Variants in STXBP4 observed in about 807,000 individuals in gnomAD.
STXBP4 encodes syntaxin binding protein 4, also known as syntaxin-binding protein 4.
In STXBP4, 55 loss-of-function variants were observed where a neutral mutation model predicts 76.1. The ratio of observed to expected loss-of-function variants is 0.72; its 90% confidence interval spans 0.58 to 0.91. STXBP4 has a LOEUF of 0.91. Ranked by LOEUF, STXBP4 falls within the 40% of genes least tolerant of loss-of-function variation. The pLI is 0.00. For synonymous variants in STXBP4, 201 were observed against 220.2 expected (o/e 0.91, Z 0.77); for missense variants, 618 against 636.9 (o/e 0.97, Z 0.32).
intron 1 of STXBP4, among the ~76,000 whole-genome samples, chr17:54,984,485 G>A (rs1020061468): frequency 2.6e-5 from 4 of 151,698 alleles, no homozygotes; most frequent in Non-Finnish European, 5.9e-5. Context: ...TGGGACTACA[G>A]GCGCTGCCAC....
At chr17:55,137,427 G>A (rs1477478180) in intron 16 of STXBP4, among the ~76,000 whole-genome samples, 1 of 151,942 alleles carries the variant, frequency 6.6e-6, no homozygotes, top group African/African-American at 2.4e-5. Context: ...TATTTAATCA[G>A]CCCCCATTGA....
At chr17:55,079,377 A>G (rs2079228186) in intron 15 of STXBP4, among the ~76,000 whole-genome samples, 1 of 152,126 alleles carries the variant, frequency 6.6e-6, no homozygotes. Context: ...ATGCATTTCC[A>G]AAGTAATTTT....
At chr17:55,050,460 G>A (rs990475787) in intron 12 of STXBP4, among the ~76,000 whole-genome samples, 5 of 151,842 alleles carry the variant, frequency 3.3e-5, no homozygotes, top group East Asian at 1.9e-4. Context: ...AAGTCAAACC[G>A]TCTAAAGAAT....
intron 16 of STXBP4, among the ~76,000 whole-genome samples, chr17:55,089,528 C>T (rs2144957998): frequency 6.6e-6 from 1 of 152,300 alleles, no homozygotes; most frequent in Non-Finnish European, 1.5e-5. Context: ...ACAGTGAAAA[C>T]AGTCTGAAAA....
intron 16 of STXBP4, among the ~76,000 whole-genome samples, chr17:55,103,596 G>T (rs2079592981): frequency 7.5e-6 from 1 of 133,594 alleles, no homozygotes; most frequent in Admixed American, 8.3e-5. Flanking sequence ...TTTTGCTTAG[G>T]ATTGTCTTGG....
chr17:55,123,045 C>T (rs1490209890), intron 16 of STXBP4, among the ~76,000 whole-genome samples: 1 of 152,042 alleles, frequency 6.6e-6, no homozygotes, highest in Non-Finnish European at 1.5e-5. Context: ...TGTGTTATCC[C>T]TCTCCTTTTT....
chr17:55,153,257 A>G (rs1439149273), intron 17 of STXBP4, among the ~76,000 whole-genome samples: 1 of 152,238 alleles, frequency 6.6e-6, no homozygotes, highest in Non-Finnish European at 1.5e-5. Context: ...AAAGTTCATG[A>G]GAAAACTGTA....
the STXBP4 span, among the ~76,000 whole-genome samples, chr17:55,197,214 G>A: frequency 6.6e-6 from 1 of 152,214 alleles, no homozygotes; most frequent in East Asian, 1.9e-4. Context: ...GTGCAGACAA[G>A]ATGGAGAACT....
At chr17:55,001,703 G>T (rs2077919743) in intron 7 of STXBP4, among the ~76,000 whole-genome samples, 2 of 151,946 alleles carry the variant, frequency 1.3e-5, no homozygotes. Flanking sequence ...ATGGATTCTT[G>T]CTCTGTCGAA....
chr17:54,975,367 C>G (rs754117767), intron 1 of STXBP4, among the ~76,000 whole-genome samples: 1 of 152,110 alleles, frequency 6.6e-6, no homozygotes, highest in Non-Finnish European at 1.5e-5. Flanking sequence ...TTGGGCCCTG[C>G]AATTTATGCA....
chr17:55,085,497 T>A (rs2144936538), intron 16 of STXBP4, among the ~76,000 whole-genome samples: 1 of 152,188 alleles, frequency 6.6e-6, no homozygotes, highest in African/African-American at 2.4e-5. Flanking sequence ...TTTTTCTGTC[T>A]CTTCCCTAAT....
chr17:55,028,551 T>A (rs2078454638), intron 8 of STXBP4, among the ~76,000 whole-genome samples: 1 of 152,228 alleles, frequency 6.6e-6, no homozygotes, highest in Admixed American at 6.5e-5. Context: ...AGGGCAGGGC[T>A]GCAGTTTTTC....
the STXBP4 span, among the ~76,000 whole-genome samples, chr17:55,189,670 A>G: frequency 6.6e-6 from 1 of 152,230 alleles, no homozygotes; most frequent in Non-Finnish European, 1.5e-5. Context: ...AAGTAATTAA[A>G]TTTGGAATAT....
intron 13 of STXBP4, among the ~76,000 whole-genome samples, chr17:55,074,629 T>C (rs937756760): frequency 1.1e-4 from 16 of 152,150 alleles, no homozygotes; most frequent in African/African-American, 3.9e-4. Flanking sequence ...TTTTGTTTCT[T>C]TTTTAAGCTT....
intron 4 of STXBP4, among the ~76,000 whole-genome samples, chr17:54,996,336 G>A (rs1226088835): frequency 6.6e-6 from 1 of 151,324 alleles, no homozygotes; most frequent in Non-Finnish European, 1.5e-5. Context: ...GTAGAATGAA[G>A]AATATGCTGG....
At chr17:55,052,916 CGT>C (rs59163531) in intron 12 of STXBP4, among the ~76,000 whole-genome samples, 1,374 of 95,602 alleles carry the variant, frequency 0.014, 15 homozygotes, top group East Asian at 0.053. Flanking sequence ...ACGTGTATGA[CGT>C]GTGTGTGTGT....
At chr17:55,007,193 G>C (rs1243888209) in intron 7 of STXBP4, among the ~76,000 whole-genome samples, 1 of 151,858 alleles carries the variant, frequency 6.6e-6, no homozygotes, top group East Asian at 1.9e-4. Flanking sequence ...ACAAAAATTA[G>C]CCAGGCATGG....
the STXBP4 span, among the ~76,000 whole-genome samples, chr17:55,179,904 C>T: frequency 6.6e-6 from 1 of 152,086 alleles, no homozygotes; most frequent in African/African-American, 2.4e-5. Context: ...ATTGGCACCC[C>T]TAACACTAGC....
At chr17:55,047,483 T>C (rs1433672125) in intron 12 of STXBP4, among the ~76,000 whole-genome samples, 4 of 151,910 alleles carry the variant, frequency 2.6e-5, no homozygotes. Context: ...CCTTTTTTCT[T>C]TTTCTTTTTT....
Sources: allele counts gnomAD v4.1 joint callset (sites outside exome capture counted in the v4.1 genomes callset), GRCh38; gene constraint gnomAD v4.1.1; transcripts MANE v1.5; gene names NCBI Gene and HGNC (gene_info 2026-07-23, HGNC 2026-07-21).